The following NLGN1 variants were observed in gnomAD, a reference collection of about 807,000 sequenced individuals.
NLGN1 encodes the protein neuroligin-1.
NLGN1 carries 12 observed loss-of-function variants against 65.5 expected under a neutral mutation model. That is an observed-to-expected ratio of 0.18 (90% CI 0.12 to 0.30). The LOEUF (loss-of-function observed/expected upper bound fraction) is 0.30, where lower values mean the gene tolerates loss of function less well. Among genes scored for constraint, NLGN1 ranks in the 10% least tolerant of loss-of-function variants. NLGN1 has a pLI of 1.00. For synonymous variants in NLGN1, 350 were observed against 359.5 expected (o/e 0.97, Z 0.30); for missense variants, 750 against 1,007.1 (o/e 0.74, Z 3.46).
At chr3:173,725,351 C>A (rs1037997481) in intron 3 of NLGN1, among the ~76,000 whole-genome samples, 1 of 151,988 alleles carries the variant, frequency 6.6e-6, no homozygotes, top group African/African-American at 2.4e-5. Context: ...CTACATGTTC[C>A]TAAGATTAAA....
chr3:173,655,581 TC>T (rs1759874865), intron 3 of NLGN1, among the ~76,000 whole-genome samples: 1 of 151,984 alleles, frequency 6.6e-6, no homozygotes, highest in Non-Finnish European at 1.5e-5. Flanking sequence ...AAAAAAAAAA[TC>T]TACCACTTCA....
intron 4 of NLGN1, among the ~76,000 whole-genome samples, chr3:174,201,340 GAGGAATGAAGGAAGGAAGGA>G (rs1449382022): frequency 9.0e-5 from 12 of 132,654 alleles, no homozygotes; most frequent in African/African-American, 1.8e-4. Context: ...GGGAAGGTGG[GAGGAATGAAGGAAGGAAGGA>G]AGGAAGGAAG....
intron 1 of NLGN1, among the ~76,000 whole-genome samples, chr3:173,424,285 A>G (rs1453046806): frequency 6.6e-6 from 1 of 152,170 alleles, no homozygotes; most frequent in Non-Finnish European, 1.5e-5. Flanking sequence ...GGTCTCTGAC[A>G]TGCCCTGGGG....
chr3:173,812,731 C>T (rs1347559861), intron 4 of NLGN1, among the ~76,000 whole-genome samples: 1 of 140,368 alleles, frequency 7.1e-6, no homozygotes, highest in African/African-American at 2.6e-5. Flanking sequence ...TATATACACG[C>T]ACACACATAC....
intron 4 of NLGN1, among the ~76,000 whole-genome samples, chr3:173,921,823 T>C (rs898801144): frequency 6.6e-6 from 1 of 152,128 alleles, no homozygotes; most frequent in Non-Finnish European, 1.5e-5. Context: ...TGTTGATCAT[T>C]GCTAATTGTA....
At chr3:173,904,801 A>G (rs539487695) in intron 4 of NLGN1, among the ~76,000 whole-genome samples, 31 of 152,278 alleles carry the variant, frequency 2.0e-4, no homozygotes, top group South Asian at 2.1e-4. Flanking sequence ...AAGATTTGAC[A>G]GAAAATGCCA....
intron 2 of NLGN1, among the ~76,000 whole-genome samples, chr3:173,457,911 T>C (rs1206034731): frequency 6.6e-6 from 1 of 152,004 alleles, no homozygotes; most frequent in Non-Finnish European, 1.5e-5. Flanking sequence ...GTGTGGTGTG[T>C]GTAATAGGAG....
intron 1 of NLGN1, among the ~76,000 whole-genome samples, chr3:173,410,117 G>A (rs1712202951): frequency 6.6e-6 from 1 of 152,144 alleles, no homozygotes; most frequent in South Asian, 2.1e-4. Context: ...ACCTCTCTTT[G>A]ATTTAGTTTT....
chr3:173,859,780 T>C (rs906752746), intron 4 of NLGN1, among the ~76,000 whole-genome samples: 13 of 152,080 alleles, frequency 8.5e-5, no homozygotes, highest in African/African-American at 2.9e-4. Flanking sequence ...TTATTCAAGA[T>C]TGTTGTTTTT....
intron 2 of NLGN1, among the ~76,000 whole-genome samples, chr3:173,587,423 C>T (rs975691521): frequency 6.6e-6 from 1 of 152,122 alleles, no homozygotes; most frequent in Non-Finnish European, 1.5e-5. Context: ...TACAAAACTA[C>T]ACACCAAAAT....
At position 173,944,079 on chromosome 3, in the gene NLGN1, T is replaced by C. The variant is rs1746678106; in HGVS notation, c.646+136247T>C. On this transcript the variant is annotated intron_variant, in intron 4 of 6. Transcript: ENST00000457714. ...AACAAGGAACTGAAACGTTTTATAA[T>C]CTTTTTGTTATAAATGTCATTTTAA... 3.3e-5 allele frequency among the ~76,000 whole-genome samples: 5 copies of C among 151,764 alleles called. No individual in the cohort carries two copies. In the South Asian group the frequency reaches 1.0e-3, roughly 32 times the overall value.
intron 4 of NLGN1, among the ~76,000 whole-genome samples, chr3:173,824,467 AAATT>A (rs1187600199): frequency 1.3e-5 from 2 of 152,224 alleles, no homozygotes; most frequent in South Asian, 2.1e-4. Flanking sequence ...TGTTTTTAAA[AAATT>A]AAATAAAGCA....
intron 4 of NLGN1, among the ~76,000 whole-genome samples, chr3:173,833,848 T>C (rs931168361): frequency 3.9e-5 from 6 of 152,290 alleles, no homozygotes; most frequent in Admixed American, 3.3e-4. Context: ...AGTTTAAAAT[T>C]TGTTATATAG....
intron 3 of NLGN1, among the ~76,000 whole-genome samples, chr3:173,742,046 T>C (rs150039183): frequency 2.0e-5 from 3 of 152,262 alleles, no homozygotes; most frequent in East Asian, 3.9e-4. Flanking sequence ...TGTCAGTTCA[T>C]TCTGTGATGT....
intron 3 of NLGN1, among the ~76,000 whole-genome samples, chr3:173,786,491 G>C (rs1781983276): frequency 6.6e-6 from 1 of 151,964 alleles, no homozygotes; most frequent in Non-Finnish European, 1.5e-5. Flanking sequence ...TTTCTCAATG[G>C]AAAGTTATCT....
At chr3:173,797,553 G>T (rs548756414) in intron 3 of NLGN1, among the ~76,000 whole-genome samples, 1 of 151,856 alleles carries the variant, frequency 6.6e-6, no homozygotes, top group African/African-American at 2.4e-5. Flanking sequence ...TAATTCTTCA[G>T]ATTTATTACA....
At chr3:174,037,490 T>C (rs1234791204) in intron 4 of NLGN1, among the ~76,000 whole-genome samples, 1 of 152,172 alleles carries the variant, frequency 6.6e-6, no homozygotes, top group African/African-American at 2.4e-5. Flanking sequence ...ACGATGTCGA[T>C]GAAAGCACTA....
chr3:174,009,392 T>G (rs1347944264), intron 4 of NLGN1, among the ~76,000 whole-genome samples: 1 of 152,134 alleles, frequency 6.6e-6, no homozygotes, highest in African/African-American at 2.4e-5. Context: ...TAACAGCAAT[T>G]GAGTGTTTAT....
chr3:173,557,044 T>C (rs1038876116), intron 2 of NLGN1, among the ~76,000 whole-genome samples: 2 of 151,370 alleles, frequency 1.3e-5, no homozygotes, highest in African/African-American at 4.9e-5. Flanking sequence ...ATTTTTTTTG[T>C]CTACTCATTC....
Sources: gnomAD v4.1 joint callset for allele counts (sites outside exome capture counted in the v4.1 genomes callset) on GRCh38, gnomAD v4.1.1 for gene constraint, MANE v1.5 for transcripts, NCBI Gene and HGNC (gene_info 2026-07-23, HGNC 2026-07-21) for gene names.